Variants in NCKAP5 observed in about 807,000 individuals in gnomAD.
NCKAP5 encodes NCK associated protein 5.
NCKAP5 carries 92 observed loss-of-function variants against 167.0 expected under a neutral mutation model. The observed-to-expected ratio is 0.55, with a 90% CI of 0.47 to 0.66. The LOEUF is 0.66. Among genes scored for constraint, NCKAP5 ranks in the 30% least tolerant of loss-of-function variants. The pLI is 0.00. For missense variants in NCKAP5, 2,378 were observed against 2,315.0 expected (o/e 1.03, Z -0.56); for synonymous variants, 891 against 877.4 (o/e 1.02, Z -0.27).
intron 1 of NCKAP5, among the ~76,000 whole-genome samples, chr2:133,564,487 G>A (rs1433771592): frequency 1.3e-5 from 2 of 152,190 alleles, no homozygotes; most frequent in South Asian, 2.1e-4. Context: ...ATTTGGCAAC[G>A]ACTCTATCTC....
intron 19 of NCKAP5, among the ~76,000 whole-genome samples, chr2:132,705,173 C>A (rs1035576406): frequency 1.3e-5 from 2 of 152,060 alleles, no homozygotes; most frequent in Non-Finnish European, 2.9e-5. Flanking sequence ...GAAGCCCTTC[C>A]ACTGTTTCTC....
intron 3 of NCKAP5, among the ~76,000 whole-genome samples, chr2:133,349,717 G>T (rs562173352): frequency 4.4e-4 from 67 of 152,242 alleles, no homozygotes; most frequent in South Asian, 8.3e-4. Context: ...GAAGCACAAA[G>T]AAATAAGTCC....
chr2:133,627,970 A>T, the NCKAP5 span, among the ~76,000 whole-genome samples: 1 of 152,186 alleles, frequency 6.6e-6, no homozygotes, highest in African/African-American at 2.4e-5. Context: ...ACATGAGCAG[A>T]GACTTAAAAA....
chr2:132,814,609 T>C (rs1686121522), intron 11 of NCKAP5, among the ~76,000 whole-genome samples: 1 of 152,176 alleles, frequency 6.6e-6, no homozygotes, highest in African/African-American at 2.4e-5. Context: ...AGGTTTCTGT[T>C]TCAGGCATAT....
intron 3 of NCKAP5, among the ~76,000 whole-genome samples, chr2:133,354,078 G>T (rs1056417507): frequency 3.3e-5 from 5 of 152,218 alleles, no homozygotes; most frequent in African/African-American, 9.6e-5. Flanking sequence ...GCACCTGTCT[G>T]CATGTTTCCC....
chr2:133,200,859 C>A (rs1332497795), intron 5 of NCKAP5, among the ~76,000 whole-genome samples: 1 of 152,122 alleles, frequency 6.6e-6, no homozygotes, highest in African/African-American at 2.4e-5. Context: ...AAGAAACATA[C>A]CACTCAGCTA....
intron 3 of NCKAP5, among the ~76,000 whole-genome samples, chr2:133,408,351 T>A (rs1045870328): frequency 1.3e-5 from 2 of 152,200 alleles, no homozygotes; most frequent in African/African-American, 4.8e-5. Context: ...GCAGCATATA[T>A]GTTTTTTCAA....
At chr2:133,446,231 G>A (rs1691184895) in intron 3 of NCKAP5, among the ~76,000 whole-genome samples, 1 of 152,204 alleles carries the variant, frequency 6.6e-6, no homozygotes. Context: ...AAGGTTGAAG[G>A]TGAGAAAAGA....
chr2:133,337,023 C>A (rs1284494453), intron 3 of NCKAP5, among the ~76,000 whole-genome samples: 2 of 152,162 alleles, frequency 1.3e-5, no homozygotes, highest in Non-Finnish European at 2.9e-5. Context: ...TTGTCAGATC[C>A]TTTAGGGGCT....
At chr2:132,733,673 T>C (rs1027435477) in intron 16 of NCKAP5, among the ~76,000 whole-genome samples, 1 of 152,222 alleles carries the variant, frequency 6.6e-6, no homozygotes, top group African/African-American at 2.4e-5. Context: ...CTTAAGTATC[T>C]TTTCTATACA....
rs1171621243 is a variant in NCKAP5 at position 133,521,531 on chromosome 2, G to A, written c.-61-3944C>T. Among the ~76,000 whole-genome samples the A allele has an allele frequency of 2.6e-5, 4 of 152,198 alleles. No homozygotes were observed. In the South Asian group the frequency reaches 8.3e-4, roughly 31 times the overall value. ...CACAACAGACGTTTATTTTCTCATA[G>A]TTCTGGAGGCTACAAGTCCAAGATC... On this transcript the variant is annotated intron_variant, in intron 2 of 19. Transcript: ENST00000409261.
intron 3 of NCKAP5, among the ~76,000 whole-genome samples, chr2:133,353,947 G>C (rs777363820): frequency 6.6e-6 from 1 of 152,168 alleles, no homozygotes; most frequent in Non-Finnish European, 1.5e-5. Context: ...ACACAAAGCT[G>C]TCACACTGGC....
intron 10 of NCKAP5, among the ~76,000 whole-genome samples, chr2:132,862,478 G>A (rs539271614): frequency 1.1e-4 from 17 of 152,276 alleles, no homozygotes; most frequent in East Asian, 3.9e-4. Flanking sequence ...GCAGGATCAC[G>A]AGTGCACATT....
intron 6 of NCKAP5, among the ~76,000 whole-genome samples, chr2:133,018,153 A>G (rs1008557921): frequency 2.0e-5 from 3 of 152,120 alleles, no homozygotes; most frequent in Non-Finnish European, 2.9e-5. Context: ...TGGGGTGCCT[A>G]TTCTGTCTAT....
intron 3 of NCKAP5, among the ~76,000 whole-genome samples, chr2:133,336,117 A>C: frequency 6.6e-6 from 1 of 152,120 alleles, no homozygotes; most frequent in East Asian, 1.9e-4. Flanking sequence ...GTCCACCGAA[A>C]TAGCCATTAT....
chr2:133,226,376 T>A (rs1032740967), intron 4 of NCKAP5, among the ~76,000 whole-genome samples: 1 of 152,138 alleles, frequency 6.6e-6, no homozygotes, highest in East Asian at 1.9e-4. Context: ...TTCCTGCAGT[T>A]ACAGAGCATT....
At chr2:132,950,197 G>A (rs1035159552) in intron 8 of NCKAP5, among the ~76,000 whole-genome samples, 4 of 152,208 alleles carry the variant, frequency 2.6e-5, no homozygotes, top group South Asian at 2.1e-4. Context: ...AAAAGTCTCC[G>A]TTTTAAAATT....
At chr2:132,750,840 G>C (rs1161213265) in intron 16 of NCKAP5, among the ~76,000 whole-genome samples, 1 of 152,196 alleles carries the variant, frequency 6.6e-6, no homozygotes, top group African/African-American at 2.4e-5. Flanking sequence ...AGGACACTTA[G>C]GGAGCCCAAG....
At chr2:132,818,446 C>T (rs2105305887) in intron 11 of NCKAP5, among the ~76,000 whole-genome samples, 2 of 152,302 alleles carry the variant, frequency 1.3e-5, no homozygotes. Flanking sequence ...GAGGCCAAGG[C>T]AGGCAGATCA....
Sources: allele counts gnomAD v4.1 joint callset (sites outside exome capture counted in the v4.1 genomes callset), GRCh38; gene constraint gnomAD v4.1.1; transcripts MANE v1.5; gene names NCBI Gene and HGNC (gene_info 2026-07-23, HGNC 2026-07-21).